Variants in DNHD1 observed in about 807,000 individuals in gnomAD.
The protein encoded by DNHD1 is dynein heavy chain domain-containing protein 1.
DNHD1 carries 383 observed loss-of-function variants against 458.1 expected under a neutral mutation model. The observed-to-expected ratio is 0.84, with a 90% CI of 0.77 to 0.91. DNHD1 has a LOEUF of 0.91. Among genes scored for constraint, DNHD1 ranks in the 40% least tolerant of loss-of-function variants. The pLI is 0.00. For synonymous variants in DNHD1, 2,203 were observed against 2,376.9 expected, an observed-to-expected ratio of 0.93 and a Z score of 2.13; for missense variants, 5,336 against 5,866.1, an observed-to-expected ratio of 0.91 and a Z score of 2.95.
At position 6,557,387 on chromosome 11, in the gene DNHD1, G is replaced by A; in HGVS notation, c.8092G>A (p.Glu2698Lys). 2 of 1,541,866 alleles carry A rather than the reference G, an allele frequency of 1.3e-6. No homozygotes were observed. Among genetic ancestry groups the A allele is most frequent in the Non-Finnish European group, 1.8e-6 (2 of 1,140,096 alleles). Residue 2698 changes from glutamate (E) to lysine (K), a missense_variant, in exon 25 of 43, where the codon GAG becomes AAG. By Grantham distance (56) the Glu-to-Lys change is moderately conservative. Coordinates refer to ENST00000254579, the MANE Select transcript of DNHD1 (RefSeq NM_144666.3). Reference sequence around the variant, plus strand: ...GGGCAAGGACCATCAGGAGAGTGAGGAGGAGGAGGAGGAGGAGAGGGTGCC... The same window carrying A: ...GGGCAAGGACCATCAGGAGAGTGAGAAGGAGGAGGAGGAGGAGAGGGTGCC... ...HLGKDHQESE[E>K]EEEEERVPEV... is the part of the protein sequence containing the mutation.
chr11:6,533,145 C>G lies in DNHD1; in HGVS notation c.2466C>G (p.Ile822Met). ...LTDFMHIFRT[I>M]NSDIHAIAQC... ...ATTTCATGCATATCTTCCGAACCATCAACTCAGATATTCATGCCATTGCAC... is the reference window on the plus strand; with the variant it reads ...ATTTCATGCATATCTTCCGAACCATGAACTCAGATATTCATGCCATTGCAC... The change falls in exon 13 of 43, where the codon ATC becomes ATG. Residue 822 changes from isoleucine (I) to methionine (M), a missense_variant. Around this residue, in one of 4 missense-constraint regions of DNHD1, gnomAD observed 3,932 missense variants for 4,365.6 expected, o/e 0.90. Transcript: ENST00000254579. 2 of 1,551,670 alleles carry G rather than the reference C, an allele frequency of 1.3e-6. No individual in the cohort carries two copies. The highest frequency in any genetic ancestry group is 1.7e-6 in the Non-Finnish European group (2 of 1,146,984).
At position 6,505,277 on chromosome 11, in the gene DNHD1, C is replaced by T. The variant is rs1589865110; in HGVS notation, c.920+2351C>T. ...ATTATTTTTTTTTAAGATGGAGTCT[C>T]ACTCTGTTGCCTAGGCTGGAGTGCC... On this transcript the variant is annotated intron_variant, in intron 4 of 42. Transcript: ENST00000254579. The surrounding 1 kb of genome is among the most constrained non-coding windows in gnomAD (Gnocchi z 4.4). Among the ~76,000 whole-genome samples the T allele has an allele frequency of 6.6e-6, 1 of 151,858 alleles. No homozygotes were observed. The highest frequency in any genetic ancestry group is 2.4e-5 in the African/African-American group (1 of 41,320).
At position 6,545,704 on chromosome 11, in the gene DNHD1, G is replaced by C; in HGVS notation, c.4765G>C (p.Glu1589Gln). 1 of 1,551,670 alleles carries C rather than the reference G, an allele frequency of 6.4e-7. No homozygotes were observed. The highest frequency in any genetic ancestry group is 8.7e-7 in the Non-Finnish European group (1 of 1,146,994). Residue 1589 changes from glutamate (E) to glutamine (Q), a missense_variant, in exon 21 of 43, where the codon GAA (glutamate) becomes CAA (glutamine). Glu to Gln is a conservative substitution (Grantham distance 29). Transcript: ENST00000254579. This position sits in a 1 kb window ranked among gnomAD's most constrained non-coding sequence, Gnocchi z 4.9. Reference protein sequence around the residue: ...VTHRDIAQLLEQHQVSDLTDF... With the variant: ...VTHRDIAQLLQQHQVSDLTDF... ...TCACCGGGATATAGCACAGCTGCTG[G>C]AACAGCACCAGGTCAGTGATCTCAC...
intron 3 of DNHD1, 117 bp from the exon 4 acceptor site, chr11:6,502,636 G>T (rs1235811672): frequency 2.3e-6 from 2 of 873,462 alleles, no homozygotes; most frequent in African/African-American, 1.7e-5. Flanking sequence ...TGCCACGTCA[G>T]GTCTCCTCAG....
Position 6,539,994 on chromosome 11 carries a change from C to A in DNHD1, c.3539C>A (p.Pro1180His), listed in dbSNP as rs1174077272. Residue 1180 changes from proline to histidine, a missense_variant, in exon 18 of 43, where the codon CCC becomes CAC. Coordinates refer to ENST00000254579, the MANE Select transcript of DNHD1 (RefSeq NM_144666.3). ...TTCATCCTGCATGTACCCTACGAGC[C>A]CCCAGCCTCAGAGCGCTCCAAGAGG... ...LNFILHVPYE[P>H]PASERSKRQV... 1 of 1,551,588 alleles carries A rather than the reference C, an allele frequency of 6.4e-7. No individual in the cohort carries two copies.
chr11:6,546,727 G>A lies in DNHD1; in HGVS notation c.5788G>A (p.Gly1930Arg). 6.4e-7 allele frequency: 1 copy of A among 1,551,732 alleles called. No homozygotes were observed. The highest frequency in any genetic ancestry group is 1.7e-4 in the Middle Eastern group (1 of 5,992). Residue 1930 changes from glycine (G) to arginine (R), a missense_variant, in exon 21 of 43, where the codon GGG (glycine) becomes AGG (arginine). By Grantham distance (125) the Gly-to-Arg change is moderately radical. Coordinates refer to ENST00000254579, the MANE Select transcript of DNHD1 (RefSeq NM_144666.3). ...LNGLHLHNLR[G>R]LLCALFPSAS... ...TGGGCTCCACCTGCACAACCTCCGA[G>A]GGCTGTTGTGTGCGCTTTTCCCTAG...
chr11:6,523,067 G>A (rs2134399461), intron 10 of DNHD1, among the ~76,000 whole-genome samples: 1 of 152,314 alleles, frequency 6.6e-6, no homozygotes, highest in South Asian at 2.1e-4. Flanking sequence ...TCTGTCAGGT[G>A]TCAGATTCAA....
Position 6,571,146 on chromosome 11 carries a change from C to G in DNHD1, c.13634C>G (p.Pro4545Arg), listed in dbSNP as rs777821010. 8 of 1,601,568 alleles carry G rather than the reference C, an allele frequency of 5.0e-6. No individual in the cohort carries two copies. In the African/African-American group the frequency reaches 6.7e-5, roughly 13 times the overall value. ...LPWRPHAPAGPQPPWHWLRQL... is the reference protein window; with the variant it reads ...LPWRPHAPAGRQPPWHWLRQL... ...TGGCGACCTCATGCGCCGGCCGGTCCGCAGCCGCCCTGGCACTGGCTGCGA... is the reference window on the plus strand; with the variant it reads ...TGGCGACCTCATGCGCCGGCCGGTCGGCAGCCGCCCTGGCACTGGCTGCGA... The change falls in exon 42 of 43, where the codon CCG becomes CGG. Residue 4545 changes from proline (P) to arginine (R), a missense_variant. Coordinates refer to ENST00000254579, the MANE Select transcript of DNHD1 (RefSeq NM_144666.3). This position sits in a 1 kb window ranked among gnomAD's most constrained non-coding sequence, Gnocchi z 5.0.
At position 6,557,661 on chromosome 11, in the gene DNHD1, C is replaced by G. The variant is rs760851782; in HGVS notation, c.8366C>G (p.Thr2789Ser). The change falls in exon 25 of 43, where the codon ACT becomes AGT. Residue 2789 changes from threonine to serine, a missense_variant. By Grantham distance (58) the Thr-to-Ser change is moderately conservative (BLOSUM62 1). This residue lies in a region of DNHD1 where 3,932 missense variants were observed against 4,365.6 expected (regional missense o/e 0.90). Transcript: ENST00000254579. ...CTCCAGGTAAGGAGATCATTCAAGA[C>G]TTGGTGGCAGAAGAAACCCCAGATG... ...YRLQVRRSFK[T>S]WWQKKPQMDL... is the part of the protein sequence containing the mutation. 6.4e-7 allele frequency: 1 copy of G among 1,551,626 alleles called. No homozygotes were observed. The highest frequency in any genetic ancestry group is 8.7e-7 in the Non-Finnish European group (1 of 1,147,008).
In DNHD1 at chr11:6,546,721, C is replaced by A; in HGVS notation, c.5782C>A (p.Leu1928Ile). 1 of 1,551,764 alleles carries A rather than the reference C, an allele frequency of 6.4e-7. No individual in the cohort carries two copies. The highest frequency in any genetic ancestry group is 1.2e-5 in the South Asian group (1 of 84,066). ...TCTCAATGGGCTCCACCTGCACAAC[C>A]TCCGAGGGCTGTTGTGTGCGCTTTT... ...SILNGLHLHNLRGLLCALFPS... is the reference protein window; with the variant it reads ...SILNGLHLHNIRGLLCALFPS... The change falls in exon 21 of 43, where the codon CTC (leucine) becomes ATC (isoleucine). Residue 1928 changes from leucine (L) to isoleucine (I), a missense_variant. Physicochemically the swap from Leu to Ile is conservative, Grantham distance 5. Coordinates refer to ENST00000254579, the MANE Select transcript of DNHD1 (RefSeq NM_144666.3).
rs962544138 is a variant in DNHD1 at position 6,545,603 on chromosome 11, C to T, written c.4664C>T (p.Ala1555Val). ...VLVNFMRAQR[A>V]SQGGQSLPSV... ...GTGAATTTTATGCGGGCCCAGAGGG[C>T]TTCCCAAGGTGGGCAGTCCCTGCCT... The change falls in exon 21 of 43, where the codon GCT becomes GTT. Residue 1555 changes from alanine to valine, a missense_variant. Coordinates refer to ENST00000254579, the MANE Select transcript of DNHD1 (RefSeq NM_144666.3). This position sits in a 1 kb window ranked among gnomAD's most constrained non-coding sequence, Gnocchi z 4.9. The T allele has an allele frequency of 6.4e-7, 1 of 1,551,966 alleles. No homozygotes were observed. The highest frequency in any genetic ancestry group is 1.2e-5 in the South Asian group (1 of 84,064).
At chr11:6,513,683 A>G (rs982410122) in intron 7 of DNHD1, among the ~76,000 whole-genome samples, 3 of 152,200 alleles carry the variant, frequency 2.0e-5, no homozygotes, top group African/African-American at 7.2e-5. Flanking sequence ...ATTCTTGTAC[A>G]TGTCTTTTGG....
chr11:6,538,761 G>A lies in DNHD1; in HGVS notation c.3276G>A (p.Lys1092=). Residue 1092 remains lysine, a synonymous_variant, in exon 16 of 43, where the codon AAG becomes AAA. Coordinates refer to ENST00000254579, the MANE Select transcript of DNHD1 (RefSeq NM_144666.3). ...EFRSYLPLLT[K]LGSLHPQSLN... ...GCAGCTACCTGCCCCTGCTCACTAAGCTGGGCAGCCTCCACCCACAGAGCC... is the reference window on the plus strand; with the variant it reads ...GCAGCTACCTGCCCCTGCTCACTAAACTGGGCAGCCTCCACCCACAGAGCC... The A allele has an allele frequency of 6.5e-7, 1 of 1,542,804 alleles. No homozygotes were observed. Among genetic ancestry groups the A allele is most frequent in the Non-Finnish European group, 8.8e-7 (1 of 1,141,372 alleles).
chr11:6,523,313 A>G (rs148554412), intron 10 of DNHD1, among the ~76,000 whole-genome samples: 21 of 152,308 alleles, frequency 1.4e-4, no homozygotes, highest in African/African-American at 4.8e-4. Context: ...TCTTTGGAGT[A>G]TGAGGTATGA....
intron 7 of DNHD1, among the ~76,000 whole-genome samples, chr11:6,512,851 A>G (rs2723652): frequency 0.58 from 87,786 of 151,972 alleles, 26,449 homozygotes; most frequent in African/African-American, 0.73. Context: ...GAACGTCTTT[A>G]CACAAAGAGC....
chr11:6,558,025 C>A lies in DNHD1; in HGVS notation c.8730C>A (p.Ala2910=). 1 of 1,551,720 alleles carries A rather than the reference C, an allele frequency of 6.4e-7. No individual in the cohort carries two copies. ...AITLASSICQ[A]HFFHLPSGSE... ...CTCTGGCTTCTAGCATTTGTCAGGCCCATTTCTTTCATCTACCATCTGGGT... is the reference window on the plus strand; with the variant it reads ...CTCTGGCTTCTAGCATTTGTCAGGCACATTTCTTTCATCTACCATCTGGGT... Residue 2910 remains alanine (A), a synonymous_variant, in exon 25 of 43, where the codon GCC becomes GCA. Coordinates refer to ENST00000254579, the MANE Select transcript of DNHD1 (RefSeq NM_144666.3).
Position 6,533,924 on chromosome 11 carries a change from T to C in DNHD1, c.2749T>C (p.Phe917Leu). 1 of 1,550,918 alleles carries C rather than the reference T, an allele frequency of 6.4e-7. No individual in the cohort carries two copies. Among genetic ancestry groups the C allele is most frequent in the Non-Finnish European group, 8.7e-7 (1 of 1,146,798 alleles). The part of the protein sequence containing the change: ...QLLDMWEAFQ[F>L]EKSQASEFLL... ...TCTGGATATGTGGGAGGCATTTCAG[T>C]TTGAGAAAAGCCAGGCTTCAGAGTT... Residue 917 changes from phenylalanine to leucine, a missense_variant, in exon 14 of 43, where the codon TTT (phenylalanine) becomes CTT (leucine). By Grantham distance (22) the Phe-to-Leu change is conservative. Transcript: ENST00000254579.
At chr11:6,563,206 G>T in intron 29 of DNHD1, 75 bp downstream of exon 29, 1 of 1,546,314 alleles carries the variant, frequency 6.5e-7, no homozygotes, top group East Asian at 2.4e-5. Flanking sequence ...ATACCAAGAG[G>T]AGAGGATGGA....
chr11:6,566,076 CT>C (rs1206356974), intron 33 of DNHD1, 85 bp downstream of exon 33: 5 of 1,366,302 alleles, frequency 3.7e-6, no homozygotes, highest in Admixed American at 2.3e-5. Flanking sequence ...CTCAGTCTAA[CT>C]TCAGTTCCCA....
Sources: gnomAD v4.1 joint callset for allele counts (sites outside exome capture counted in the v4.1 genomes callset) on GRCh38, gnomAD v4.1.1 for gene constraint, gnomAD v4.1.1 regional missense constraint, Gnocchi (gnomAD v3.1) non-coding constraint, MANE v1.5 for transcripts, NCBI Gene and HGNC (gene_info 2026-07-23, HGNC 2026-07-21) for gene names.